Variants in TBCK observed in about 807,000 individuals in gnomAD.
TBCK encodes the protein TBC1 domain containing kinase.
Under a neutral mutation model 113.4 loss-of-function variants are expected in TBCK, and 99 were observed. The observed-to-expected ratio is 0.87, with a 90% CI of 0.74 to 1.03. The LOEUF (loss-of-function observed/expected upper bound fraction) is 1.03. TBCK is among the 50% of genes least tolerant of loss of function. The pLI, the probability that TBCK is intolerant of heterozygous loss-of-function variation, is 0.00. For synonymous variants in TBCK, 369 were observed against 370.8 expected (o/e 1.00, Z 0.05); for missense variants, 1,045 against 1,061.3 (o/e 0.98, Z 0.21).
intron 24 of TBCK, among the ~76,000 whole-genome samples, chr4:106,097,859 TAGAA>T (rs1216613238): frequency 6.6e-6 from 1 of 152,076 alleles, no homozygotes; most frequent in Non-Finnish European, 1.5e-5. Flanking sequence ...TATTTTTTAT[TAGAA>T]AGAATAAATA....
chr4:106,123,496 T>A (rs1744728462), intron 23 of TBCK, among the ~76,000 whole-genome samples: 1 of 152,166 alleles, frequency 6.6e-6, no homozygotes, highest in South Asian at 2.1e-4. Context: ...TACCAATGAC[T>A]TTCTTCACAG....
chr4:106,106,757 A>G (rs968652946), intron 24 of TBCK, among the ~76,000 whole-genome samples: 3 of 152,150 alleles, frequency 2.0e-5, no homozygotes, highest in Non-Finnish European at 4.4e-5. Context: ...ACCAGCTAAC[A>G]GCACAATGAC....
intron 22 of TBCK, 128 bp from the exon 23 acceptor site, chr4:106,171,398 T>A: frequency 1.5e-6 from 1 of 654,532 alleles, no homozygotes; most frequent in Non-Finnish European, 2.5e-6. Flanking sequence ...AGAAAAAATG[T>A]CAGTAAAAAA....
Position 106,251,848 on chromosome 4 carries a change from A to G in TBCK, c.597+18T>C, listed in dbSNP as rs758116735. 6.7e-7 allele frequency: 1 copy of G among 1,499,202 alleles called. No individual in the cohort carries two copies. The highest frequency in any genetic ancestry group is 1.4e-5 in the African/African-American group (1 of 71,376). 92.9% of individuals were successfully genotyped at this position (1,499,202 alleles called of 1,614,324 possible). A position where few individuals can be genotyped will look rare whatever the true frequency, so the allele number is the denominator to read the frequency against. ...TGCACAATTTCCTTTTATTATATTA[A>G]TATTTCTTTATACATACCACACAAA... On this transcript the variant is annotated intron_variant, in intron 6 of 25. Coordinates refer to ENST00000394708, the MANE Select transcript of TBCK (RefSeq NM_001163435.3).
chr4:106,155,824 A>G (rs530372691), intron 23 of TBCK, among the ~76,000 whole-genome samples: 1 of 152,274 alleles, frequency 6.6e-6, no homozygotes, highest in South Asian at 2.1e-4. Context: ...TTCCTAAAAC[A>G]GCTAGTTTGA....
intron 25 of TBCK, among the ~76,000 whole-genome samples, chr4:106,074,812 G>T (rs1381126078): frequency 3.9e-5 from 6 of 152,154 alleles, no homozygotes. Flanking sequence ...ACCAGTTGTT[G>T]GTAAATGTGT....
intron 23 of TBCK, chr4:106,163,207 A>G (rs993267934): frequency 2.0e-5 from 3 of 152,370 alleles, no homozygotes; most frequent in Non-Finnish European, 4.4e-5. Context: ...TCCATCTGAG[A>G]CCATCTCAGC....
chr4:106,181,837 T>C (rs1752429028), intron 22 of TBCK, among the ~76,000 whole-genome samples: 2 of 152,116 alleles, frequency 1.3e-5, no homozygotes, highest in Admixed American at 1.3e-4. Context: ...CCAAGGATTG[T>C]GTTGGCTATG....
intron 23 of TBCK, among the ~76,000 whole-genome samples, chr4:106,119,594 C>A (rs1265485023): frequency 1.3e-5 from 2 of 152,158 alleles, no homozygotes; most frequent in African/African-American, 4.8e-5. Flanking sequence ...CTTCAGGACA[C>A]TGGTCTGGGA....
chr4:106,216,252 C>T (rs1387992900), intron 19 of TBCK, among the ~76,000 whole-genome samples: 2 of 150,106 alleles, frequency 1.3e-5, no homozygotes, highest in African/African-American at 2.4e-5. Context: ...TAAATGCCCA[C>T]AAGAGAAAGC....
chr4:106,263,566 T>A (rs1762700601), intron 3 of TBCK, among the ~76,000 whole-genome samples: 2 of 152,014 alleles, frequency 1.3e-5, no homozygotes, highest in Admixed American at 6.6e-5. Flanking sequence ...AACTGTTCTA[T>A]CCTTGATTTT....
At chr4:106,074,992 G>GT (rs1207199209) in intron 25 of TBCK, among the ~76,000 whole-genome samples, 22 of 152,340 alleles carry the variant, frequency 1.4e-4, no homozygotes, top group African/African-American at 4.8e-4. Flanking sequence ...AGGAGACATG[G>GT]AAGTTAGCTT....
At chr4:106,120,384 G>A (rs953516705) in intron 23 of TBCK, among the ~76,000 whole-genome samples, 1 of 152,116 alleles carries the variant, frequency 6.6e-6, no homozygotes, top group Non-Finnish European at 1.5e-5. Context: ...CAGCGAGGCT[G>A]GGGGAGGGGC....
chr4:106,117,629 G>A (rs577854634), intron 23 of TBCK, among the ~76,000 whole-genome samples: 2 of 152,090 alleles, frequency 1.3e-5, no homozygotes, highest in Non-Finnish European at 2.9e-5. Context: ...CCCATAATAG[G>A]CAATGCAATA....
At chr4:106,121,113 T>G (rs1421064361) in intron 23 of TBCK, among the ~76,000 whole-genome samples, 1 of 152,148 alleles carries the variant, frequency 6.6e-6, no homozygotes, top group Non-Finnish European at 1.5e-5. Context: ...ATCAGTGTGC[T>G]GTATTCAGGA....
Position 106,137,896 on chromosome 4 carries a change from T to C in TBCK, c.2236-21518A>G, listed in dbSNP as rs1159289353. On this transcript the variant is annotated intron_variant, in intron 23 of 25. Transcript: ENST00000394708. ...AAAGAGAGTAATTTTTTCTTTGCTA[T>C]ACGGTATCATTCTGGAGACATTTTA... Among the ~76,000 whole-genome samples, 2 of 140,982 alleles carry C rather than the reference T, an allele frequency of 1.4e-5. 1 individual carries two copies. The highest frequency in any genetic ancestry group is 3.2e-5 in the Non-Finnish European group (2 of 61,966). The allele number at this position is 140,982 out of a possible 152,430, so 92.5% of individuals were successfully genotyped here. A position where few individuals can be genotyped will look rare whatever the true frequency, so the allele number is the denominator to read the frequency against.
intron 24 of TBCK, 126 bp downstream of exon 24, chr4:106,116,077 G>A: frequency 3.6e-6 from 3 of 830,214 alleles, no homozygotes; most frequent in Non-Finnish European, 5.6e-6. Context: ...CAGTTTGAGA[G>A]TAATTTAACT....
intron 25 of TBCK, among the ~76,000 whole-genome samples, chr4:106,075,039 A>C (rs1738005862): frequency 6.6e-6 from 1 of 152,204 alleles, no homozygotes; most frequent in Non-Finnish European, 1.5e-5. Flanking sequence ...TGGAGAATAG[A>C]TCTATGATGG....
At chr4:106,211,702 T>C (rs771041159) in intron 20 of TBCK, among the ~76,000 whole-genome samples, 10 of 152,036 alleles carry the variant, frequency 6.6e-5, no homozygotes, top group Admixed American at 1.3e-4. Flanking sequence ...AAAAAACACC[T>C]TAAATGAAAA....
Sources: gnomAD v4.1 joint callset for allele counts (sites outside exome capture counted in the v4.1 genomes callset) on GRCh38, gnomAD v4.1.1 for gene constraint, MANE v1.5 for transcripts, NCBI Gene and HGNC (gene_info 2026-07-23, HGNC 2026-07-21) for gene names.